ATXN7L1: variants seen among roughly 807,000 people sequenced by gnomAD.
ATXN7L1 encodes the protein ataxin-7-like protein 1.
A neutral mutation model predicts 70.8 loss-of-function variants in ATXN7L1; 15 were observed. The observed-to-expected ratio is 0.21, with a 90% CI of 0.14 to 0.33. ATXN7L1 has a LOEUF of 0.33. Ranked by LOEUF, ATXN7L1 falls within the 10% of genes least tolerant of loss-of-function variation. The pLI is 1.00. For missense variants in ATXN7L1, 975 were observed against 1,097.1 expected (o/e 0.89, Z 1.57); for synonymous variants, 440 against 445.1 (o/e 0.99, Z 0.14).
intron 7 of ATXN7L1, among the ~76,000 whole-genome samples, chr7:105,637,591 A>G (rs1419277469): frequency 6.6e-6 from 1 of 152,174 alleles, no homozygotes; most frequent in Non-Finnish European, 1.5e-5. Context: ...GCACTCAATA[A>G]ATATTTTTGA....
intron 3 of ATXN7L1, among the ~76,000 whole-genome samples, chr7:105,736,328 T>C (rs1797369913): frequency 6.6e-6 from 1 of 152,250 alleles, no homozygotes; most frequent in Admixed American, 6.5e-5. Flanking sequence ...TTAATTACCT[T>C]GCAGCACGAT....
intron 3 of ATXN7L1, among the ~76,000 whole-genome samples, chr7:105,784,921 C>T (rs1804073932): frequency 1.3e-5 from 2 of 152,168 alleles, no homozygotes; most frequent in Admixed American, 6.5e-5. Context: ...GAGAAGGCTG[C>T]GTCCATGGGG....
chr7:105,775,506 G>A (rs868681189), intron 3 of ATXN7L1, among the ~76,000 whole-genome samples: 2 of 152,154 alleles, frequency 1.3e-5, no homozygotes, highest in East Asian at 1.9e-4. Context: ...CATAAGAATC[G>A]GCTCCTTGAG....
At chr7:105,744,955 CTTGAA>C (rs1381924084) in intron 3 of ATXN7L1, among the ~76,000 whole-genome samples, 17 of 152,158 alleles carry the variant, frequency 1.1e-4, no homozygotes, top group African/African-American at 4.1e-4. Flanking sequence ...CCAGGCTGGT[CTTGAA>C]CTCCTGACCT....
At chr7:105,673,722 C>T (rs548816073) in intron 3 of ATXN7L1, among the ~76,000 whole-genome samples, 2 of 152,346 alleles carry the variant, frequency 1.3e-5, no homozygotes, top group African/African-American at 4.8e-5. Context: ...GCTGTACTTA[C>T]AGCCGCTTGG....
At chr7:105,839,058 A>C (rs909770719) in intron 2 of ATXN7L1, among the ~76,000 whole-genome samples, 2 of 152,220 alleles carry the variant, frequency 1.3e-5, no homozygotes, top group African/African-American at 4.8e-5. Context: ...CCCCTGCGGG[A>C]AGCCACCCAT....
intron 4 of ATXN7L1, among the ~76,000 whole-genome samples, chr7:105,653,818 C>A (rs953264639): frequency 6.6e-6 from 1 of 152,040 alleles, no homozygotes. Flanking sequence ...ACCAGTGCTC[C>A]GGCCTGGCTC....
At chr7:105,633,024 A>G (rs553667293) in intron 7 of ATXN7L1, among the ~76,000 whole-genome samples, 2 of 152,088 alleles carry the variant, frequency 1.3e-5, no homozygotes, top group Non-Finnish European at 2.9e-5. Context: ...GTGCAAAGAA[A>G]TGATAATCAG....
At chr7:105,690,552 A>G (rs1175629859) in intron 3 of ATXN7L1, among the ~76,000 whole-genome samples, 2 of 152,168 alleles carry the variant, frequency 1.3e-5, no homozygotes, top group Non-Finnish European at 2.9e-5. Flanking sequence ...TGAGGCCTAA[A>G]TGATGTTTGT....
intron 2 of ATXN7L1, among the ~76,000 whole-genome samples, chr7:105,843,396 G>A (rs1282302488): frequency 6.6e-6 from 1 of 152,254 alleles, no homozygotes; most frequent in East Asian, 1.9e-4. Flanking sequence ...AAAAGCCGGG[G>A]CATTAAGGAT....
At chr7:105,708,559 T>A (rs939005145) in intron 3 of ATXN7L1, among the ~76,000 whole-genome samples, 1 of 152,256 alleles carries the variant, frequency 6.6e-6, no homozygotes, top group Non-Finnish European at 1.5e-5. Flanking sequence ...CATTGGATAA[T>A]TAACTGATCA....
chr7:105,832,480 C>A (rs1811751814), intron 2 of ATXN7L1, among the ~76,000 whole-genome samples: 1 of 152,146 alleles, frequency 6.6e-6, no homozygotes, highest in Non-Finnish European at 1.5e-5. Context: ...AGGTGACGCC[C>A]CAGACCTCAG....
In ATXN7L1 at chr7:105,703,305, C is replaced by CAAA. The variant is rs11431783; in HGVS notation, c.356-38020_356-38018dup. The stretch of plus-strand genomic sequence containing the variant: ...GGGCAAGAAGAGCGAAACTCCGTCT[C>CAAA]AAAAAAAAAAAAAAAGCACTTAAGT... On this transcript the variant is annotated intron_variant, in intron 3 of 11. Coordinates refer to ENST00000419735, the MANE Select transcript of ATXN7L1 (RefSeq NM_020725.2). 8.4e-4 allele frequency among the ~76,000 whole-genome samples: 107 copies of CAAA among 126,662 alleles called. 1 individual carries two copies. The highest frequency in any genetic ancestry group is 2.4e-3 in the African/African-American group (87 of 36,216). 83.1% of individuals were successfully genotyped at this position (126,662 alleles called of 152,430 possible). A position where few individuals can be genotyped will look rare whatever the true frequency, so the allele number is the denominator to read the frequency against.
At chr7:105,839,231 GAAA>G (rs76808872) in intron 2 of ATXN7L1, among the ~76,000 whole-genome samples, 1 of 141,038 alleles carries the variant, frequency 7.1e-6, no homozygotes. Flanking sequence ...GCTGCTGCAT[GAAA>G]AAAAAAAAAG....
At chr7:105,635,442 C>T (rs1349783636) in intron 7 of ATXN7L1, among the ~76,000 whole-genome samples, 2 of 152,228 alleles carry the variant, frequency 1.3e-5, no homozygotes, top group African/African-American at 4.8e-5. Flanking sequence ...TGGAGTGCCC[C>T]TCCCACTCAC....
intron 4 of ATXN7L1, among the ~76,000 whole-genome samples, chr7:105,656,872 C>T (rs1306236649): frequency 6.6e-6 from 1 of 152,204 alleles, no homozygotes; most frequent in Non-Finnish European, 1.5e-5. Context: ...CGGCCTCCCC[C>T]TTTCTTGTAA....
At chr7:105,613,532 G>GA (rs1341434116) in intron 10 of ATXN7L1, 1 of 1,243,936 alleles carries the variant, frequency 8.0e-7, no homozygotes, top group Non-Finnish European at 1.0e-6. Context: ...AAAACTGACC[G>GA]ATGTGGAGTG....
chr7:105,865,727 G>C (rs1050404802), intron 2 of ATXN7L1, among the ~76,000 whole-genome samples: 1 of 152,038 alleles, frequency 6.6e-6, no homozygotes, highest in African/African-American at 2.4e-5. Flanking sequence ...TATGTGTACG[G>C]TTAGTTCTGT....
At chr7:105,613,784 C>T (rs768041858) in intron 10 of ATXN7L1, 78 bp downstream of exon 10, 57 of 1,547,834 alleles carry the variant, frequency 3.7e-5, no homozygotes, top group Middle Eastern at 1.7e-4. Flanking sequence ...CTGTCGGAGC[C>T]GCCCGGCTAA....
Sources: allele counts gnomAD v4.1 joint callset (sites outside exome capture counted in the v4.1 genomes callset), GRCh38; gene constraint gnomAD v4.1.1; transcripts MANE v1.5; gene names NCBI Gene and HGNC (gene_info 2026-07-23, HGNC 2026-07-21).